The following LAG3 variants were observed in gnomAD, a reference collection of about 807,000 sequenced individuals.
LAG3 encodes lymphocyte activating 3.
In LAG3, 29 loss-of-function variants were observed where a neutral mutation model predicts 49.0. That is an observed-to-expected ratio of 0.59 (90% CI 0.44 to 0.81). The LOEUF (loss-of-function observed/expected upper bound fraction) is 0.81. Ranked by LOEUF, LAG3 falls within the 30% of genes least tolerant of loss-of-function variation. The pLI is 0.00. For synonymous variants in LAG3, 320 were observed against 297.3 expected, an observed-to-expected ratio of 1.08 and a Z score of -0.79; for missense variants, 693 against 695.2, an observed-to-expected ratio of 1.00 and a Z score of 0.04.
At position 6,778,371 on chromosome 12, in the gene LAG3, C is replaced by T. The variant is rs1351688310; in HGVS notation, c.1559C>T (p.Pro520Leu). The T allele has an allele frequency of 3.1e-6, 5 of 1,611,582 alleles. No individual in the cohort carries two copies. The East Asian group carries it at 1.1e-4, about 36-fold the overall frequency. ...PEPEPEPEPE[P>L]EPEQL The stretch of plus-strand genomic sequence containing the variant: ...CCGGAACCGGAGCCCGAGCCCGAGC[C>T]CGAGCCGGAGCAGCTCTGACCTGGA... The change falls in exon 8 of 8, where the codon CCC (proline) becomes CTC (leucine). Residue 520 changes from proline to leucine, a missense_variant. Physicochemically the swap from Pro to Leu is moderately conservative, Grantham distance 98 (BLOSUM62 -3). Transcript: ENST00000203629.
At position 6,773,220 on chromosome 12, in the gene LAG3, C is replaced by T. The variant is rs1280990927; in HGVS notation, c.87C>T (p.Val29=). ...AGCCTCTCCAGCCAGGGGCTGAGGT[C>T]CCGGTGGTGTGGGCCCAGGAGGGGG... is the stretch of plus-strand genomic sequence containing the variant. ...PVKPLQPGAE[V]PVVWAQEGAP... is the part of the protein sequence containing the mutation. Residue 29 remains valine (V), a synonymous_variant, in exon 2 of 8, where the codon GTC becomes GTT. Transcript: ENST00000203629. This position sits in a 1 kb window ranked among gnomAD's most constrained non-coding sequence, Gnocchi z 5.5. 1 of 1,612,362 alleles carries T rather than the reference C, an allele frequency of 6.2e-7. No individual in the cohort carries two copies. Among genetic ancestry groups the T allele is most frequent in the East Asian group, 2.2e-5 (1 of 44,838 alleles).
In LAG3 at chr12:6,774,701, G is replaced by A. The variant is rs753426306; in HGVS notation, c.618G>A (p.Arg206=). The A allele has an allele frequency of 1.1e-5, 17 of 1,613,944 alleles. No homozygotes were observed. Among genetic ancestry groups the A allele is most frequent in the Non-Finnish European group, 1.4e-5 (16 of 1,179,988 alleles). The change falls in exon 4 of 8, where the codon CGG becomes CGA. Residue 206 remains arginine (R), a synonymous_variant. Transcript: ENST00000203629. ...CCTCTGTGCATTGGTTCCGGAACCGGGGCCAGGGCCGAGTCCCTGTCCGGG... is the reference window on the plus strand; with the variant it reads ...CCTCTGTGCATTGGTTCCGGAACCGAGGCCAGGGCCGAGTCCCTGTCCGGG... ...RPASVHWFRN[R]GQGRVPVRES...
Position 6,772,701 on chromosome 12 carries a change from A to C in LAG3, c.-152A>C, listed in dbSNP as rs1592494785. ...GGTCATCCCTCCCCACCCTCTCTCCAAGGCCCTCTCCTGGTCTCCCTTCTT... is the reference window on the plus strand; with the variant it reads ...GGTCATCCCTCCCCACCCTCTCTCCCAGGCCCTCTCCTGGTCTCCCTTCTT... On this transcript the variant is annotated 5_prime_UTR_variant, in exon 1 of 8. Transcript: ENST00000203629. 68 of 433,700 alleles carry C rather than the reference A, an allele frequency of 1.6e-4. No homozygotes were observed. The highest frequency in any genetic ancestry group is 6.6e-4 in the Middle Eastern group (1 of 1,506). The allele number at this position is 433,700 out of a possible 1,614,324, so 26.9% of individuals were successfully genotyped here.
chr12:6,774,312 AG>A (rs1333001224), intron 3 of LAG3, among the ~76,000 whole-genome samples: 1 of 152,146 alleles, frequency 6.6e-6, no homozygotes, highest in Non-Finnish European at 1.5e-5. Flanking sequence ...TCTGTAGCTC[AG>A]GGGGTGGGCT....
chr12:6,774,258 G>A (rs1941878406), intron 3 of LAG3, among the ~76,000 whole-genome samples: 2 of 152,244 alleles, frequency 1.3e-5, no homozygotes, highest in African/African-American at 2.4e-5. Flanking sequence ...CAGAGGGAGG[G>A]GGAGGGGGGG....
intron 5 of LAG3, among the ~76,000 whole-genome samples, chr12:6,776,062 C>A (rs1156935562): frequency 6.6e-6 from 1 of 152,196 alleles, no homozygotes; most frequent in Non-Finnish European, 1.5e-5. Flanking sequence ...TGATAACTAT[C>A]GGCCATGACA....
At position 6,773,030 on chromosome 12, in the gene LAG3, T is replaced by C. The variant is rs564680785; in HGVS notation, c.58+120T>C. 3.0e-4 allele frequency: 408 copies of C among 1,371,204 alleles called. 1 individual carries two copies. The African/African-American group carries it at 5.0e-3, about 17-fold the overall frequency. The allele number at this position is 1,371,204 out of a possible 1,614,324, so 84.9% of individuals were successfully genotyped here. ...CTGTGGATTCTTCTAATCCCTTTTTTGGGCAGTCCTTCCACCCCGAAAGCC... is the reference window on the plus strand; with the variant it reads ...CTGTGGATTCTTCTAATCCCTTTTTCGGGCAGTCCTTCCACCCCGAAAGCC... On this transcript the variant is annotated intron_variant, in intron 1 of 7. Transcript: ENST00000203629. The surrounding 1 kb of genome is among the most constrained non-coding windows in gnomAD (Gnocchi z 5.5).
chr12:6,773,731 G>A lies in LAG3; in HGVS notation c.241G>A (p.Ala81Thr). The stretch of plus-strand genomic sequence containing the variant: ...CGCTGCCGCCCCCGGCCATCCCCTG[G>A]CCCCCGGCCCTCACCCGGCGGCGCC... ...PPAAAPGHPLAPGPHPAAPSS... is the reference protein window; with the variant it reads ...PPAAAPGHPLTPGPHPAAPSS... Residue 81 changes from alanine (A) to threonine (T), a missense_variant, in exon 3 of 8, where the codon GCC becomes ACC. Coordinates refer to ENST00000203629, the MANE Select transcript of LAG3 (RefSeq NM_002286.6). This position sits in a 1 kb window ranked among gnomAD's most constrained non-coding sequence, Gnocchi z 5.5. The A allele has an allele frequency of 2.2e-6, 3 of 1,335,122 alleles. No individual in the cohort carries two copies. Among genetic ancestry groups the A allele is most frequent in the Non-Finnish European group, 1.9e-6 (2 of 1,049,548 alleles). The allele number at this position is 1,335,122 out of a possible 1,614,324, so 82.7% of individuals were successfully genotyped here. A position where few individuals can be genotyped will look rare whatever the true frequency, so the allele number is the denominator to read the frequency against.
In LAG3 at chr12:6,773,759, C is replaced by T. The variant is rs1941870401; in HGVS notation, c.269C>T (p.Ser90Phe). 7.5e-7 allele frequency: 1 copy of T among 1,329,762 alleles called. No homozygotes were observed. Among genetic ancestry groups the T allele is most frequent in the Non-Finnish European group, 9.6e-7 (1 of 1,046,604 alleles). The allele number at this position is 1,329,762 out of a possible 1,614,324, so 82.4% of individuals were successfully genotyped here. Reference sequence around the variant, plus strand: ...CCCGGCCCTCACCCGGCGGCGCCCTCCTCCTGGGGGCCCAGGCCCCGCCGC... The same window carrying T: ...CCCGGCCCTCACCCGGCGGCGCCCTTCTCCTGGGGGCCCAGGCCCCGCCGC... ...LAPGPHPAAP[S>F]SWGPRPRRYT... is the part of the protein sequence containing the mutation. Residue 90 changes from serine to phenylalanine, a missense_variant, in exon 3 of 8, where the codon TCC (serine) becomes TTC (phenylalanine). Ser to Phe is a radical substitution (Grantham distance 155). Transcript: ENST00000203629. The surrounding 1 kb of genome is among the most constrained non-coding windows in gnomAD (Gnocchi z 5.5).
rs1205457297 is a variant in LAG3 at position 6,775,298 on chromosome 12, A to G, written c.807A>G (p.Thr269=). ...VLGLEPPTPL[T]VYAGAGSRVG... The stretch of plus-strand genomic sequence containing the variant: ...GTCTGGAGCCCCCAACTCCCTTGAC[A>G]GTGTACGCTGGAGCAGGTTCCAGGG... Residue 269 remains threonine, a synonymous_variant, in exon 5 of 8, where the codon ACA becomes ACG. Coordinates refer to ENST00000203629, the MANE Select transcript of LAG3 (RefSeq NM_002286.6). 1 of 1,614,118 alleles carries G rather than the reference A, an allele frequency of 6.2e-7. No homozygotes were observed. The highest frequency in any genetic ancestry group is 1.7e-5 in the Admixed American group (1 of 60,024).
Position 6,773,332 on chromosome 12 carries a change from C to A in LAG3, c.199C>A (p.Pro67Thr), listed in dbSNP as rs149722682. Residue 67 changes from proline to threonine, a missense_variant, in exon 2 of 8, where the codon CCA becomes ACA. By Grantham distance (38) the Pro-to-Thr change is conservative (BLOSUM62 -1). Transcript: ENST00000203629. This position sits in a 1 kb window ranked among gnomAD's most constrained non-coding sequence, Gnocchi z 5.5. ...AGCAGGGGTCACTTGGCAGCATCAG[C>A]CAGACAGGTATGCACCCCAAACTTG... Reference protein sequence around the residue: ...RRAGVTWQHQPDSGPPAAAPG... With the variant: ...RRAGVTWQHQTDSGPPAAAPG... 54 of 1,613,622 alleles carry A rather than the reference C, an allele frequency of 3.3e-5. No homozygotes were observed. Among genetic ancestry groups the A allele is most frequent in the Non-Finnish European group, 4.2e-6 (5 of 1,179,948 alleles).
At chr12:6,774,261 A>G (rs1341074087) in intron 3 of LAG3, among the ~76,000 whole-genome samples, 2 of 151,040 alleles carry the variant, frequency 1.3e-5, no homozygotes, top group Non-Finnish European at 3.0e-5. Flanking sequence ...AGGGAGGGGG[A>G]GGGGGGGAGA....
At chr12:6,774,153 G>C in intron 3 of LAG3, 152 bp downstream of exon 3, 2 of 1,253,704 alleles carry the variant, frequency 1.6e-6, no homozygotes. Flanking sequence ...CGGCCTGCTG[G>C]AGTGGAAGGT....
Position 6,772,762 on chromosome 12 carries a change from C to CTT in LAG3, c.-90_-89dup. 9.3e-7 allele frequency: 1 copy of CTT among 1,070,232 alleles called. No individual in the cohort carries two copies. Among genetic ancestry groups the CTT allele is most frequent in the Non-Finnish European group, 1.4e-6 (1 of 727,620 alleles). 66.3% of individuals were successfully genotyped at this position (1,070,232 alleles called of 1,614,324 possible). A position where few individuals can be genotyped will look rare whatever the true frequency, so the allele number is the denominator to read the frequency against. On this transcript the variant is annotated 5_prime_UTR_variant, in exon 1 of 8. Transcript: ENST00000203629. ...TTCCTCCACCTCCCTCTCTGCAGAA[C>CTT]TTCTCCTTTACCCCCCACCCCCCAC...
chr12:6,775,769 T>C lies in LAG3; in HGVS notation c.1057+221T>C, dbSNP rs1941901029. The C allele has an allele frequency of 7.0e-6, 4 of 570,614 alleles. No homozygotes were observed. In the South Asian group the frequency reaches 8.4e-5, roughly 12 times the overall value. The allele number at this position is 570,614 out of a possible 1,614,324, so 35.3% of individuals were successfully genotyped here. On this transcript the variant is annotated intron_variant, in intron 5 of 7. Transcript: ENST00000203629. ...AGTCACAAGATAAAAGTTCCACCGT[T>C]CTCTATGGGACTCCCCTGCTCTCAA...
chr12:6,778,172 C>T, intron 7 of LAG3, 72 bp from the exon 8 acceptor site: 1 of 1,436,286 alleles, frequency 7.0e-7, no homozygotes, highest in Non-Finnish European at 9.6e-7. Flanking sequence ...GACTCAGTGT[C>T]CCTCCTCATC....
chr12:6,775,622 A>G lies in LAG3; in HGVS notation c.1057+74A>G, dbSNP rs115113666. ...ACAGGGAGGAAGGGCTGGCAGGGCA[A>G]AGACTAGGCAAACCCACCCTGTGAT... is the stretch of plus-strand genomic sequence containing the variant. On this transcript the variant is annotated intron_variant, in intron 5 of 7. Coordinates refer to ENST00000203629, the MANE Select transcript of LAG3 (RefSeq NM_002286.6). The G allele has an allele frequency of 5.4e-3, 8,034 of 1,479,478 alleles. 352 individuals are homozygous for G. The African/African-American group carries it at 0.093, about 17-fold the overall frequency. 91.6% of individuals were successfully genotyped at this position (1,479,478 alleles called of 1,614,324 possible). A position where few individuals can be genotyped will look rare whatever the true frequency, so the allele number is the denominator to read the frequency against.
At chr12:6,777,977 A>G (rs772565506) in intron 7 of LAG3, 56 bp downstream of exon 7, 1 of 1,608,480 alleles carries the variant, frequency 6.2e-7, no homozygotes, top group Admixed American at 1.7e-5. Flanking sequence ...TTCCATCCTC[A>G]GAGTGCTGAT....
chr12:6,774,562 T>TG (rs1565481788), intron 3 of LAG3, 33 bp from the exon 4 acceptor site: 4 of 1,589,172 alleles, frequency 2.5e-6, no homozygotes, highest in Non-Finnish European at 3.4e-6. Context: ...TTGTTTCCAG[T>TG]GGGCTGATGA....
Sources: gnomAD v4.1 joint callset for allele counts (sites outside exome capture counted in the v4.1 genomes callset) on GRCh38, gnomAD v4.1.1 for gene constraint, Gnocchi (gnomAD v3.1) non-coding constraint, MANE v1.5 for transcripts, NCBI Gene and HGNC (gene_info 2026-07-23, HGNC 2026-07-21) for gene names.